The following TESPA1 variants were observed in gnomAD, a reference collection of about 807,000 sequenced individuals.
The protein encoded by TESPA1 is thymocyte expressed, positive selection associated 1.
In TESPA1, 33 loss-of-function variants were observed where a neutral mutation model predicts 57.9. The observed-to-expected ratio is 0.57, with a 90% CI of 0.43 to 0.76. The LOEUF (loss-of-function observed/expected upper bound fraction) is 0.76. Ranked by LOEUF, TESPA1 falls within the 30% of genes least tolerant of loss-of-function variation. TESPA1 has a pLI of 0.00. For missense variants in TESPA1, 618 were observed against 632.9 expected (o/e 0.98, Z 0.25); for synonymous variants, 227 against 228.9 (o/e 0.99, Z 0.07).
chr12:54,963,342 A>T, intron 8 of TESPA1, 100 bp from the exon 9 acceptor site: 1 of 1,196,788 alleles, frequency 8.4e-7, no homozygotes, highest in South Asian at 1.6e-5. Flanking sequence ...ATTCAGGGAG[A>T]AGCTTCCAAT....
In TESPA1 at chr12:54,950,354, C is replaced by T. The variant is rs1406340655; in HGVS notation, c.*38G>A. 3 of 456,774 alleles carry T rather than the reference C, an allele frequency of 6.6e-6. No homozygotes were observed. The highest frequency in any genetic ancestry group is 6.0e-5 in the African/African-American group (3 of 50,078). The allele number at this position is 456,774 out of a possible 1,614,324, so 28.3% of individuals were successfully genotyped here. ...TTTAGTTTCTTCTTTGAAGCCAATT[C>T]TGTCAGACCACATGCTGTTGTGGTG... On this transcript the variant is annotated 3_prime_UTR_variant, in exon 11 of 11. Coordinates refer to ENST00000449076, the MANE Select transcript of TESPA1 (RefSeq NM_001136030.3).
chr12:54,967,260 C>A, intron 4 of TESPA1, 24 bp from the exon 5 acceptor site: 1 of 1,610,282 alleles, frequency 6.2e-7, no homozygotes, highest in Non-Finnish European at 8.5e-7. Context: ...AGGTGAGGGT[C>A]ACAGAAAACC....
intron 8 of TESPA1, 21 bp from the exon 9 acceptor site, chr12:54,963,263 T>C (rs755541031): frequency 1.9e-6 from 3 of 1,587,170 alleles, no homozygotes; most frequent in South Asian, 2.3e-5. Context: ...GAGTTAAAGA[T>C]GGTAAGTCTG....
chr12:54,955,960 A>ATAAC (rs146120651), intron 10 of TESPA1, among the ~76,000 whole-genome samples: 32,213 of 151,994 alleles, frequency 0.21, 5,749 homozygotes, highest in East Asian at 0.84. Flanking sequence ...TGATATAAAA[A>ATAAC]TGTGTCCAGT....
chr12:54,966,339 C>G lies in TESPA1; in HGVS notation c.347+49G>C, dbSNP rs74092415. 3,625 of 1,613,248 alleles carry G rather than the reference C, an allele frequency of 2.2e-3. 67 individuals are homozygous for G. In the African/African-American group the frequency reaches 0.042, roughly 19 times the overall value. On this transcript the variant is annotated intron_variant, in intron 6 of 10. Coordinates refer to ENST00000449076, the MANE Select transcript of TESPA1 (RefSeq NM_001136030.3). ...AATCTCTTTGACCTACCCCAATTCA[C>G]TGATTCTTAAAGGAGACATCATTCA...
chr12:54,954,520 G>GACA (rs1950613366), intron 10 of TESPA1, among the ~76,000 whole-genome samples: 4 of 152,064 alleles, frequency 2.6e-5, no homozygotes, highest in African/African-American at 7.2e-5. Context: ...TTACTTCCAA[G>GACA]GCTGCCAAGG....
intron 3 of TESPA1, among the ~76,000 whole-genome samples, chr12:54,970,478 T>C (rs1327022854): frequency 6.6e-6 from 1 of 152,182 alleles, no homozygotes; most frequent in African/African-American, 2.4e-5. Flanking sequence ...TGCCAAGTAT[T>C]TCTATTCTCT....
At chr12:54,973,203 T>C (rs916221603) in intron 3 of TESPA1, among the ~76,000 whole-genome samples, 1 of 152,168 alleles carries the variant, frequency 6.6e-6, no homozygotes, top group Non-Finnish European at 1.5e-5. Flanking sequence ...ACCCCAACTA[T>C]TCCCCATCCA....
At chr12:54,982,203 T>C (rs1436825076) in intron 1 of TESPA1, among the ~76,000 whole-genome samples, 7 of 152,236 alleles carry the variant, frequency 4.6e-5, no homozygotes, top group Non-Finnish European at 1.0e-4. Context: ...TTCATAGAAC[T>C]GTCTTCTAGC....
chr12:54,950,256 G>T lies in TESPA1; in HGVS notation c.*136C>A. ...TACCATGCTGCCTTTCTCCTGCAGAGTTTGGGGGTTTGGAGGACCAAGGAG... is the reference window on the plus strand; with the variant it reads ...TACCATGCTGCCTTTCTCCTGCAGATTTTGGGGGTTTGGAGGACCAAGGAG... On this transcript the variant is annotated 3_prime_UTR_variant, in exon 11 of 11. Transcript: ENST00000449076. 2.2e-6 allele frequency: 1 copy of T among 456,756 alleles called. No homozygotes were observed. Among genetic ancestry groups the T allele is most frequent in the Non-Finnish European group, 4.4e-6 (1 of 226,972 alleles). 28.3% of individuals were successfully genotyped at this position (456,756 alleles called of 1,614,324 possible).
Position 54,951,807 on chromosome 12 carries a change from G to A in TESPA1, c.*2-1417C>T, listed in dbSNP as rs947065398. 4.7e-5 allele frequency among the ~76,000 whole-genome samples: 7 copies of A among 149,570 alleles called. No homozygotes were observed. In the East Asian group the frequency reaches 5.9e-4, roughly 13 times the overall value. On this transcript the variant is annotated intron_variant, in intron 10 of 10. Coordinates refer to ENST00000449076, the MANE Select transcript of TESPA1 (RefSeq NM_001136030.3). ...TAATCAATATTGCTCCTTTATATACGTTGTTCCTTGATAAAACTTTAAATA... is the reference window on the plus strand; with the variant it reads ...TAATCAATATTGCTCCTTTATATACATTGTTCCTTGATAAAACTTTAAATA...
chr12:54,962,525 G>C lies in TESPA1; in HGVS notation c.1373C>G (p.Ser458Cys). Residue 458 changes from serine to cysteine, a missense_variant, in exon 9 of 11, where the codon TCC becomes TGC. Around this residue, in one of 3 missense-constraint regions of TESPA1, gnomAD observed 409 missense variants for 420.1 expected, o/e 0.97. Transcript: ENST00000449076. The stretch of plus-strand genomic sequence containing the variant: ...CTGCTTCCATTTCTGCTGGGTGATG[G>C]ACAGGTCCAAGGACTTAACCTTCCT... ...MGRKVKSLDLSITQQKWKQSV... is the reference protein window; with the variant it reads ...MGRKVKSLDLCITQQKWKQSV... 6.2e-7 allele frequency: 1 copy of C among 1,613,692 alleles called. No individual in the cohort carries two copies. The highest frequency in any genetic ancestry group is 8.5e-7 in the Non-Finnish European group (1 of 1,179,896).
intron 3 of TESPA1, among the ~76,000 whole-genome samples, chr12:54,969,046 T>TATATATATACAC (rs71070858): frequency 1.3e-4 from 16 of 124,466 alleles, no homozygotes; most frequent in African/African-American, 4.7e-4. Flanking sequence ...TATATATATA[T>TATATATATACAC]GTGTGTGTGT....
chr12:54,964,393 A>G (rs976713082), intron 7 of TESPA1, among the ~76,000 whole-genome samples: 2 of 152,226 alleles, frequency 1.3e-5, no homozygotes, highest in Non-Finnish European at 2.9e-5. Context: ...CTGAAGGTAA[A>G]CATTTTTATT....
chr12:54,969,242 A>G (rs932512517), intron 3 of TESPA1, among the ~76,000 whole-genome samples: 1 of 151,790 alleles, frequency 6.6e-6, no homozygotes, highest in African/African-American at 2.4e-5. Flanking sequence ...TGCACCTAGA[A>G]CTATAAATAT....
chr12:54,948,020 G>C lies in TESPA1; in HGVS notation c.*2372C>G, dbSNP rs74767049. 6.6e-6 allele frequency: 1 copy of C among 152,482 alleles called. No homozygotes were observed. Among genetic ancestry groups the C allele is most frequent in the Non-Finnish European group, 1.5e-5 (1 of 68,248 alleles). 9.4% of individuals were successfully genotyped at this position (152,482 alleles called of 1,614,324 possible). On this transcript the variant is annotated 3_prime_UTR_variant, in exon 11 of 11. Coordinates refer to ENST00000449076, the MANE Select transcript of TESPA1 (RefSeq NM_001136030.3). ...GAAGAGACAACCAAACAGGCTTTGTGTGAGCAATAAAGCTTTTTAATCACC... is the reference window on the plus strand; with the variant it reads ...GAAGAGACAACCAAACAGGCTTTGTCTGAGCAATAAAGCTTTTTAATCACC...
At chr12:54,968,307 A>G (rs1018977241) in intron 3 of TESPA1, among the ~76,000 whole-genome samples, 6 of 152,214 alleles carry the variant, frequency 3.9e-5, no homozygotes, top group Admixed American at 3.3e-4. Flanking sequence ...AAACTTTTAG[A>G]TCACCTTAAC....
At chr12:54,976,149 G>A (rs960192883) in intron 1 of TESPA1, among the ~76,000 whole-genome samples, 8 of 152,206 alleles carry the variant, frequency 5.3e-5, no homozygotes, top group Non-Finnish European at 1.2e-4. Context: ...GGTCAGAGCT[G>A]TCGTGAGGAG....
At chr12:54,974,197 C>T (rs972320391) in intron 2 of TESPA1, among the ~76,000 whole-genome samples, 14 of 152,144 alleles carry the variant, frequency 9.2e-5, no homozygotes, top group African/African-American at 3.4e-4. Flanking sequence ...TCCCTTTTTC[C>T]TAATCTTATG....
Sources: allele counts gnomAD v4.1 joint callset (sites outside exome capture counted in the v4.1 genomes callset), GRCh38; gene constraint gnomAD v4.1.1; regional missense constraint gnomAD v4.1.1; transcripts MANE v1.5; gene names NCBI Gene and HGNC (gene_info 2026-07-23, HGNC 2026-07-21).